Variants in ZHX2 observed in about 807,000 individuals in gnomAD.
ZHX2 encodes zinc fingers and homeoboxes protein 2.
In ZHX2, 6 loss-of-function variants were observed where a neutral mutation model predicts 21.9. That is an observed-to-expected ratio of 0.27 (90% CI 0.15 to 0.54). ZHX2 has a LOEUF of 0.54. ZHX2 is among the 20% of genes least tolerant of loss of function. ZHX2 has a pLI of 0.95. For missense variants in ZHX2, 908 were observed against 1,090.7 expected (o/e 0.83, Z 2.36); for synonymous variants, 434 against 437.1 (o/e 0.99, Z 0.09).
intron 1 of ZHX2, among the ~76,000 whole-genome samples, chr8:122,852,444 C>T (rs1443027884): frequency 1.3e-5 from 2 of 151,818 alleles, no homozygotes; most frequent in African/African-American, 2.4e-5. Context: ...TTACTAACAC[C>T]GTGTAATAGT....
Position 122,826,960 on chromosome 8 carries a change from G to A in ZHX2, c.-282-36517G>A, listed in dbSNP as rs116443603. ...TTTAGGTTGAACAGGGTTCCTAGGC[G>A]GAGGTGAGAAAGCCTAGGATGGATG... On this transcript the variant is annotated intron_variant, in intron 1 of 3. Coordinates refer to ENST00000314393, the MANE Select transcript of ZHX2 (RefSeq NM_014943.5). Among the ~76,000 whole-genome samples, 803 of 152,286 alleles carry A rather than the reference G, an allele frequency of 5.3e-3. 6 individuals are homozygous for A. Among genetic ancestry groups the A allele is most frequent in the African/African-American group, 0.018 (742 of 41,544 alleles).
intron 1 of ZHX2, chr8:122,815,863 CG>C (rs1818021059): frequency 1.3e-5 from 2 of 152,112 alleles, no homozygotes; most frequent in Non-Finnish European, 2.9e-5. Flanking sequence ...CTGAGGTGGA[CG>C]GAACACCTGA....
chr8:122,931,248 C>T (rs922832706), intron 2 of ZHX2, among the ~76,000 whole-genome samples: 2 of 152,176 alleles, frequency 1.3e-5, no homozygotes, highest in African/African-American at 4.8e-5. Flanking sequence ...CCTCCAGGAG[C>T]CACGAGTATT....
chr8:122,863,617 GGGCAGCTGAGCTCT>G (rs1305298744), intron 2 of ZHX2, 78 bp downstream of exon 2: 1 of 152,584 alleles, frequency 6.6e-6, no homozygotes, highest in Non-Finnish European at 1.5e-5. Flanking sequence ...GGAGGGGCAG[GGGCAGCTGAGCTCT>G]GGCAGCTCTG....
intron 1 of ZHX2, among the ~76,000 whole-genome samples, chr8:122,823,639 T>C (rs1273742473): frequency 2.0e-5 from 3 of 152,236 alleles, no homozygotes; most frequent in African/African-American, 7.2e-5. Context: ...AAGCAGGTTC[T>C]CAGAAGCAGT....
rs1818316505 is a variant in ZHX2, at chr8:122,828,986, A to G, written c.-282-34491A>G. On this transcript the variant is annotated intron_variant, in intron 1 of 3. Coordinates refer to ENST00000314393, the MANE Select transcript of ZHX2 (RefSeq NM_014943.5). The surrounding 1 kb of genome is among the most constrained non-coding windows in gnomAD (Gnocchi z 5.2). ...ACATTTCACCAAAAAGAAAACATTT[A>G]CTTAACTCTGAGCCATTTATTAAAT... Among the ~76,000 whole-genome samples, 1 of 152,232 alleles carries G rather than the reference A, an allele frequency of 6.6e-6. No individual in the cohort carries two copies.
At position 122,953,350 on chromosome 8, in the gene ZHX2, C is replaced by G. The variant is rs1040124120; in HGVS notation, c.1840C>G (p.Leu614Val). ...VGAPNGALSRLDQLSGAQLTS... is the reference protein window; with the variant it reads ...VGAPNGALSRVDQLSGAQLTS... ...AGCCCCCAATGGTGCTCTGTCTCGA[C>G]TCGACCAGCTCTCCGGTGCCCAGTT... is the stretch of plus-strand genomic sequence containing the variant. Residue 614 changes from leucine to valine, a missense_variant, in exon 3 of 4, where the codon CTC (leucine) becomes GTC (valine). Physicochemically the swap from Leu to Val is conservative, Grantham distance 32. Around this residue, in one of 4 missense-constraint regions of ZHX2, gnomAD observed 431 missense variants for 428.6 expected, o/e 1.01. Transcript: ENST00000314393. The surrounding 1 kb of genome is among the most constrained non-coding windows in gnomAD (Gnocchi z 4.6). 5.6e-6 allele frequency: 9 copies of G among 1,613,976 alleles called. No homozygotes were observed. In the Admixed American group the frequency reaches 1.5e-4, roughly 27 times the overall value.
chr8:122,880,789 ATAG>A (rs201470582), intron 2 of ZHX2, among the ~76,000 whole-genome samples: 54,232 of 145,432 alleles, frequency 0.37, 10,552 homozygotes, highest in South Asian at 0.58. Context: ...AAAAAAAAAA[ATAG>A]AGAGAGTGAG....
chr8:122,872,760 C>T (rs567693339), intron 2 of ZHX2, among the ~76,000 whole-genome samples: 82 of 152,350 alleles, frequency 5.4e-4, no homozygotes, highest in Non-Finnish European at 9.0e-4. Flanking sequence ...GCGGTTCGTT[C>T]GTGTAATTGA....
At chr8:122,861,237 G>A (rs984454305) in intron 1 of ZHX2, among the ~76,000 whole-genome samples, 1 of 152,112 alleles carries the variant, frequency 6.6e-6, no homozygotes, top group Non-Finnish European at 1.5e-5. Flanking sequence ...CTGTGTCAGG[G>A]ATCTTTGCAT....
intron 2 of ZHX2, among the ~76,000 whole-genome samples, chr8:122,901,389 T>G (rs1051899789): frequency 5.9e-5 from 9 of 152,164 alleles, no homozygotes; most frequent in Non-Finnish European, 1.2e-4. Context: ...TCAGTGGTTT[T>G]GAGGTGAGGC....
chr8:122,809,681 A>C (rs919992082), intron 1 of ZHX2, among the ~76,000 whole-genome samples: 3 of 152,222 alleles, frequency 2.0e-5, no homozygotes, highest in Non-Finnish European at 4.4e-5. Flanking sequence ...CCCGAACCAC[A>C]CCCTTGCCCC....
At chr8:122,831,571 G>A (rs1818376993) in intron 1 of ZHX2, among the ~76,000 whole-genome samples, 1 of 152,190 alleles carries the variant, frequency 6.6e-6, no homozygotes, top group African/African-American at 2.4e-5. Context: ...GAGAGAACAA[G>A]GACAGGGACA....
chr8:122,815,238 G>A (rs1344056574), intron 1 of ZHX2, among the ~76,000 whole-genome samples: 1 of 152,196 alleles, frequency 6.6e-6, no homozygotes, highest in Non-Finnish European at 1.5e-5. Flanking sequence ...TTCTCCGTTA[G>A]GTACAATAGG....
intron 2 of ZHX2, among the ~76,000 whole-genome samples, chr8:122,881,630 G>A (rs183724954): frequency 3.3e-5 from 5 of 152,264 alleles, no homozygotes; most frequent in Admixed American, 1.3e-4. Flanking sequence ...TTAGTTTGGG[G>A]CATGGGGGTG....
chr8:122,809,923 A>G (rs1817893239), intron 1 of ZHX2, among the ~76,000 whole-genome samples: 1 of 152,156 alleles, frequency 6.6e-6, no homozygotes, highest in Non-Finnish European at 1.5e-5. Context: ...GGAGTTAGAA[A>G]AGGGTGACTC....
intron 2 of ZHX2, among the ~76,000 whole-genome samples, chr8:122,919,384 T>C (rs937514625): frequency 6.6e-5 from 10 of 152,238 alleles, no homozygotes; most frequent in African/African-American, 2.4e-4. Flanking sequence ...AGTCTATTTT[T>C]TCTGCTCCAA....
intron 1 of ZHX2, among the ~76,000 whole-genome samples, chr8:122,834,598 G>T (rs1428964291): frequency 1.3e-5 from 2 of 152,192 alleles, no homozygotes; most frequent in African/African-American, 4.8e-5. Context: ...GATTGTTAAA[G>T]ACTTTGAAGG....
intron 1 of ZHX2, among the ~76,000 whole-genome samples, chr8:122,812,356 T>C (rs1817948880): frequency 6.6e-6 from 1 of 152,206 alleles, no homozygotes; most frequent in Admixed American, 6.5e-5. Context: ...TCTGTGATAG[T>C]TGTTGTTCTT....
Sources: allele counts gnomAD v4.1 joint callset (sites outside exome capture counted in the v4.1 genomes callset), GRCh38; gene constraint gnomAD v4.1.1; regional missense constraint gnomAD v4.1.1; non-coding constraint Gnocchi (gnomAD v3.1); transcripts MANE v1.5; gene names NCBI Gene and HGNC (gene_info 2026-07-23, HGNC 2026-07-21).